EIPR1: variants seen among roughly 807,000 people sequenced by gnomAD.
The protein encoded by EIPR1 is EARP complex and GARP complex interacting protein 1.
Under a neutral mutation model 48.1 loss-of-function variants are expected in EIPR1, and 25 were observed. The observed-to-expected ratio is 0.52, with a 90% CI of 0.38 to 0.73. The LOEUF (loss-of-function observed/expected upper bound fraction) is 0.73. Among genes scored for constraint, EIPR1 ranks in the 30% least tolerant of loss-of-function variants. The probability of loss-of-function intolerance (pLI) is 0.00; values close to 1 mark genes in which losing one functional copy is unlikely to be tolerated. For synonymous variants in EIPR1, 204 were observed against 201.9 expected, an observed-to-expected ratio of 1.01 and a Z score of -0.09; for missense variants, 415 against 506.2, an observed-to-expected ratio of 0.82 and a Z score of 1.73.
chr2:3,327,039 A>G (rs1216718916), intron 3 of EIPR1, among the ~76,000 whole-genome samples: 4 of 152,246 alleles, frequency 2.6e-5, no homozygotes, highest in Non-Finnish European at 4.4e-5. Context: ...GGGGGCTTCC[A>G]GTCAGCAGGC....
intron 3 of EIPR1, among the ~76,000 whole-genome samples, chr2:3,269,485 C>T (rs1667619196): frequency 6.8e-6 from 1 of 148,034 alleles, no homozygotes; most frequent in Non-Finnish European, 1.5e-5. Context: ...ACTCAGTCAT[C>T]GCACTCAATC....
At chr2:3,200,968 G>A (rs1388136724) in intron 5 of EIPR1, among the ~76,000 whole-genome samples, 2 of 152,210 alleles carry the variant, frequency 1.3e-5, no homozygotes, top group Non-Finnish European at 2.9e-5. Flanking sequence ...ACGGCAGCAT[G>A]TGCAGCAGCT....
At chr2:3,291,944 C>T (rs12621123) in intron 3 of EIPR1, among the ~76,000 whole-genome samples, 16,116 of 152,302 alleles carry the variant, frequency 0.11, 880 homozygotes, top group African/African-American at 0.13. Context: ...TGTCCTGGTC[C>T]TGTGGCCGTC....
chr2:3,289,634 G>T (rs1354030568), intron 3 of EIPR1, among the ~76,000 whole-genome samples: 1 of 152,144 alleles, frequency 6.6e-6, no homozygotes, highest in Non-Finnish European at 1.5e-5. Flanking sequence ...GAGCCCCAGG[G>T]CTTTGAATCC....
chr2:3,316,617 C>T (rs1482054680), intron 3 of EIPR1, among the ~76,000 whole-genome samples: 2 of 152,220 alleles, frequency 1.3e-5, no homozygotes, highest in African/African-American at 2.4e-5. Context: ...CCTCAAGTTC[C>T]TGCTTTTCAA....
At position 3,345,362 on chromosome 2, in the gene EIPR1, C is replaced by A. The variant is rs537596649; in HGVS notation, c.127-7213G>T. ...GTGGCTCACACCTATAACCCCAGCA[C>A]TTTGGGACTGTGGATCACCTGAGAT... On this transcript the variant is annotated intron_variant, in intron 2 of 8. Coordinates refer to ENST00000382125, the MANE Select transcript of EIPR1 (RefSeq NM_003310.5). 2.6e-5 allele frequency among the ~76,000 whole-genome samples: 4 copies of A among 152,286 alleles called. No individual in the cohort carries two copies. The East Asian group carries it at 5.8e-4, about 22-fold the overall frequency.
intron 3 of EIPR1, among the ~76,000 whole-genome samples, chr2:3,328,816 C>T (rs1208112018): frequency 7.1e-6 from 1 of 141,050 alleles, no homozygotes; most frequent in Non-Finnish European, 1.6e-5. Flanking sequence ...CAGAGCCCAC[C>T]CACCACGCTC....
intron 1 of EIPR1, among the ~76,000 whole-genome samples, chr2:3,359,568 A>G (rs1670806617): frequency 2.0e-5 from 3 of 152,256 alleles, no homozygotes; most frequent in Non-Finnish European, 2.9e-5. Context: ...AATCATTTGT[A>G]TAGACCTATC....
intron 3 of EIPR1, among the ~76,000 whole-genome samples, chr2:3,307,442 C>A (rs1668981582): frequency 1.3e-5 from 2 of 152,212 alleles, no homozygotes; most frequent in Admixed American, 1.3e-4. Context: ...CATGCAGGAG[C>A]CCTACCATGC....
At chr2:3,328,279 C>T (rs1313209262) in intron 3 of EIPR1, among the ~76,000 whole-genome samples, 1 of 152,220 alleles carries the variant, frequency 6.6e-6, no homozygotes, top group African/African-American at 2.4e-5. Context: ...GGTGCCACCC[C>T]TATGGCCTGC....
intron 3 of EIPR1, among the ~76,000 whole-genome samples, chr2:3,308,322 G>GGGACT (rs1669013546): frequency 6.6e-6 from 1 of 152,128 alleles, no homozygotes; most frequent in Non-Finnish European, 1.5e-5. Flanking sequence ...GCTTCCATGA[G>GGGACT]GGACTCTTCT....
chr2:3,249,610 C>T (rs1056922001), intron 4 of EIPR1, among the ~76,000 whole-genome samples: 2 of 152,154 alleles, frequency 1.3e-5, no homozygotes, highest in African/African-American at 4.8e-5. Context: ...CAACCACTTA[C>T]TAGAGAGATT....
chr2:3,241,375 G>T (rs1159902498), intron 4 of EIPR1, among the ~76,000 whole-genome samples: 1 of 152,166 alleles, frequency 6.6e-6, no homozygotes, highest in Non-Finnish European at 1.5e-5. Context: ...AATAACTGCT[G>T]TTATTTTATA....
At chr2:3,260,507 A>ATGGGAGGG (rs1667297264) in intron 3 of EIPR1, among the ~76,000 whole-genome samples, 1 of 49,076 alleles carries the variant, frequency 2.0e-5, no homozygotes, top group Admixed American at 2.6e-4. Context: ...TGAAGGAAGG[A>ATGGGAGGG]AGGGAGGGAG....
intron 4 of EIPR1, among the ~76,000 whole-genome samples, chr2:3,234,939 G>A (rs78327493): frequency 0.092 from 14,028 of 152,316 alleles, 821 homozygotes; most frequent in Non-Finnish European, 0.13. Context: ...TCCCTAATCT[G>A]TCATCAGTTT....
intron 3 of EIPR1, among the ~76,000 whole-genome samples, chr2:3,295,496 TGCAC>T (rs1668537806): frequency 1.7e-5 from 2 of 120,524 alleles, no homozygotes; most frequent in African/African-American, 3.3e-5. Context: ...CCATCCTCTC[TGCAC>T]ACATACACCC....
chr2:3,361,320 C>A (rs1670846391), intron 1 of EIPR1, among the ~76,000 whole-genome samples: 1 of 152,048 alleles, frequency 6.6e-6, no homozygotes, highest in African/African-American at 2.4e-5. Context: ...CAAGCCCAAC[C>A]CCCTAAGCTG....
At chr2:3,334,225 G>C (rs1669979121) in intron 3 of EIPR1, among the ~76,000 whole-genome samples, 1 of 152,192 alleles carries the variant, frequency 6.6e-6, no homozygotes, top group African/African-American at 2.4e-5. Flanking sequence ...AACACTACTG[G>C]AAGACAAAGA....
intron 4 of EIPR1, among the ~76,000 whole-genome samples, chr2:3,255,285 T>G (rs753237540): frequency 3.7e-4 from 56 of 151,842 alleles, no homozygotes; most frequent in Non-Finnish European, 7.2e-4. Flanking sequence ...CAGATTCAAG[T>G]GATTCTTCTG....
Sources: gnomAD v4.1 joint callset for allele counts (sites outside exome capture counted in the v4.1 genomes callset) on GRCh38, gnomAD v4.1.1 for gene constraint, MANE v1.5 for transcripts, NCBI Gene and HGNC (gene_info 2026-07-23, HGNC 2026-07-21) for gene names.